Variants in ISL1 observed in about 807,000 individuals in gnomAD.
ISL1 encodes ISL LIM homeobox 1.
Under a neutral mutation model 35.3 loss-of-function variants are expected in ISL1, and 4 were observed. That is an observed-to-expected ratio of 0.11 (90% CI 0.06 to 0.26). The LOEUF is 0.26. Ranked by LOEUF, ISL1 falls within the 10% of genes least tolerant of loss-of-function variation. The pLI is 1.00. For missense variants in ISL1, 340 were observed against 472.8 expected (o/e 0.72, Z 2.60); for synonymous variants, 186 against 172.3 (o/e 1.08, Z -0.62).
chr5:51,389,658 C>T lies in ISL1; in HGVS notation c.491C>T (p.Ser164Phe). ...RPLQMAAEPI[S>F]ARQPALRPHV... Reference sequence around the variant, plus strand: ...CCTTGCCCCGCAGCGGAGCCCATCTCCGCCAGGCAGCCAGCCCTGCGGCCC... The same window carrying T: ...CCTTGCCCCGCAGCGGAGCCCATCTTCGCCAGGCAGCCAGCCCTGCGGCCC... The change falls in exon 4 of 6, where the codon TCC becomes TTC. Residue 164 changes from serine (S) to phenylalanine (F), a missense_variant. Transcript: ENST00000230658. This position sits in a 1 kb window ranked among gnomAD's most constrained non-coding sequence, Gnocchi z 5.0. 2 of 1,609,852 alleles carry T rather than the reference C, an allele frequency of 1.2e-6. No homozygotes were observed. The highest frequency in any genetic ancestry group is 1.7e-6 in the Non-Finnish European group (2 of 1,179,562).
intron 2 of ISL1, chr5:51,386,729 A>G: frequency 2.4e-6 from 1 of 421,928 alleles, no homozygotes; most frequent in Non-Finnish European, 4.7e-6. Context: ...TAGATGATTC[A>G]GCAACTTGAA....
rs777784838 is a variant in ISL1 at position 51,391,328 on chromosome 5, G to C, written c.820G>C (p.Asp274His). 19 of 1,613,810 alleles carry C rather than the reference G, an allele frequency of 1.2e-5. No homozygotes were observed. The highest frequency in any genetic ancestry group is 1.6e-5 in the Non-Finnish European group (19 of 1,180,010). The change falls in exon 5 of 6, where the codon GAC (aspartate) becomes CAC (histidine). Residue 274 changes from aspartate to histidine, a missense_variant. By Grantham distance (81) the Asp-to-His change is moderately conservative. This residue lies in a region of ISL1 where 104 missense variants were observed against 97.3 expected (regional missense o/e 1.07). Transcript: ENST00000230658. ...GGTGGCTGCCAGTCCAGAGAGACAC[G>C]ACGGTGGCTTACAGGCTAACCCAGT... ...PMVAASPERH[D>H]GGLQANPVEV...
rs1483173321 is a variant in ISL1, at chr5:51,387,347, C to A, written c.219-143C>A. ...GGGTTTCATTTCTGTCCTTCTGTTT[C>A]CAACTTCTGTTTGGAAATGCTGTTT... On this transcript the variant is annotated intron_variant, in intron 2 of 5. Transcript: ENST00000230658. The surrounding 1 kb of genome is among the most constrained non-coding windows in gnomAD (Gnocchi z 4.3). 2.3e-6 allele frequency: 2 copies of A among 862,310 alleles called. No homozygotes were observed. The highest frequency in any genetic ancestry group is 1.6e-5 in the South Asian group (1 of 63,946). 53.4% of individuals were successfully genotyped at this position (862,310 alleles called of 1,614,324 possible).
intron 2 of ISL1, among the ~76,000 whole-genome samples, chr5:51,385,566 T>C (rs1341780404): frequency 1.0e-5 from 1 of 95,308 alleles, no homozygotes; most frequent in Non-Finnish European, 2.0e-5. Context: ...GGTTTTGTTG[T>C]TTTGGAGAGT....
At chr5:51,383,749 G>A (rs2111832098) in intron 1 of ISL1, 50 bp downstream of exon 1, 2 of 1,534,956 alleles carry the variant, frequency 1.3e-6, no homozygotes, top group Non-Finnish European at 1.8e-6. Context: ...TCTTGTGCGG[G>A]GTTCTCTCTC....
In ISL1 at chr5:51,387,817, C is replaced by T; in HGVS notation, c.478+68C>T. 5 of 1,592,304 alleles carry T rather than the reference C, an allele frequency of 3.1e-6. No individual in the cohort carries two copies. The highest frequency in any genetic ancestry group is 4.3e-6 in the Non-Finnish European group (5 of 1,167,254). On this transcript the variant is annotated intron_variant, in intron 3 of 5. Transcript: ENST00000230658. The surrounding 1 kb of genome is among the most constrained non-coding windows in gnomAD (Gnocchi z 4.3). Reference sequence around the variant, plus strand: ...CCAGCCTGTGTGCCAGCGGCCACAACAACTATGGTAGCTACAGGGGTGGTC... The same window carrying T: ...CCAGCCTGTGTGCCAGCGGCCACAATAACTATGGTAGCTACAGGGGTGGTC...
Position 51,389,558 on chromosome 5 carries a change from CAAG to C in ISL1, c.479-87_479-85del. The C allele has an allele frequency of 2.5e-6, 3 of 1,219,678 alleles. No homozygotes were observed. The highest frequency in any genetic ancestry group is 3.0e-4 in the Middle Eastern group (1 of 3,360). 75.6% of individuals were successfully genotyped at this position (1,219,678 alleles called of 1,614,324 possible). On this transcript the variant is annotated intron_variant, in intron 3 of 5. Transcript: ENST00000230658. The surrounding 1 kb of genome is among the most constrained non-coding windows in gnomAD (Gnocchi z 5.0). ...GCAAGTAAGCGGGCGGGCGGGCGGG[CAAG>C]CGAGCGAGCGAGCGAGCGCGCGACC...
At chr5:51,384,859 A>C in intron 2 of ISL1, 129 bp downstream of exon 2, 2 of 843,592 alleles carry the variant, frequency 2.4e-6, no homozygotes, top group Non-Finnish European at 4.0e-6. Context: ...AGCCAAAGTT[A>C]CCCTGTACAT....
Position 51,389,968 on chromosome 5 carries a change from G to A in ISL1, c.765+36G>A. 6.2e-7 allele frequency: 1 copy of A among 1,607,732 alleles called. No individual in the cohort carries two copies. The highest frequency in any genetic ancestry group is 8.5e-7 in the Non-Finnish European group (1 of 1,175,566). On this transcript the variant is annotated intron_variant, in intron 4 of 5. Coordinates refer to ENST00000230658, the MANE Select transcript of ISL1 (RefSeq NM_002202.3). This position sits in a 1 kb window ranked among gnomAD's most constrained non-coding sequence, Gnocchi z 5.0. ...CTGGGGCCGGGCAGGGAATGCGAGG[G>A]GGAAGGAGACGCAGCGTGCGAGGTG...
rs1391564418 is a variant in ISL1, at chr5:51,386,362, ACT to A, written c.219-1120_219-1119del. ...AACTAATCATTTTTACCTTCTCTTC[ACT>A]CTCTCTCAACTCTGTGTGTGTGTGT... On this transcript the variant is annotated intron_variant, in intron 2 of 5. Coordinates refer to ENST00000230658, the MANE Select transcript of ISL1 (RefSeq NM_002202.3). 1.8e-5 allele frequency: 5 copies of A among 282,554 alleles called. No homozygotes were observed. In the East Asian group the frequency reaches 2.7e-4, roughly 15 times the overall value. The allele number at this position is 282,554 out of a possible 1,614,324, so 17.5% of individuals were successfully genotyped here.
chr5:51,391,623 CT>C (rs142139345), intron 5 of ISL1, 182 bp downstream of exon 5: 26,387 of 483,490 alleles, frequency 0.055, no homozygotes, highest in East Asian at 0.068. Context: ...CTCTTGGCAT[CT>C]TTTTTTTTTT....
At chr5:51,388,116 CTAAT>C (rs1485061023) in intron 3 of ISL1, among the ~76,000 whole-genome samples, 1 of 152,242 alleles carries the variant, frequency 6.6e-6, no homozygotes, top group Non-Finnish European at 1.5e-5. Flanking sequence ...CTCCTGCTGC[CTAAT>C]TAAAGGGGCG....
At chr5:51,392,231 C>G (rs1235918905) in intron 5 of ISL1, among the ~76,000 whole-genome samples, 1 of 152,094 alleles carries the variant, frequency 6.6e-6, no homozygotes, top group South Asian at 2.1e-4. Flanking sequence ...TTTTTGCCTA[C>G]AAAAGGCTTA....
chr5:51,384,353 G>C (rs938131284), intron 1 of ISL1, among the ~76,000 whole-genome samples, 188 bp from the exon 2 acceptor site: 76 of 148,236 alleles, frequency 5.1e-4, no homozygotes, highest in African/African-American at 1.9e-3. Flanking sequence ...TTAAAAATGA[G>C]TCAAGGTTTT....
rs73095546 is a variant in ISL1, at chr5:51,389,429, T to G, written c.479-217T>G. Reference sequence around the variant, plus strand: ...ACCTCTGCAGATTAGAGAGGAAGATTTTATTCTCCCTTTCACCCTCTTCGC... The same window carrying G: ...ACCTCTGCAGATTAGAGAGGAAGATGTTATTCTCCCTTTCACCCTCTTCGC... On this transcript the variant is annotated intron_variant, in intron 3 of 5. Transcript: ENST00000230658. The surrounding 1 kb of genome is among the most constrained non-coding windows in gnomAD (Gnocchi z 5.0). 0.022 allele frequency among the ~76,000 whole-genome samples: 3,287 copies of G among 152,096 alleles called. 133 individuals are homozygous for G. The highest frequency in any genetic ancestry group is 0.076 in the African/African-American group (3,151 of 41,502).
At chr5:51,391,125 A>C (rs1747502631) in intron 4 of ISL1, 149 bp from the exon 5 acceptor site, 1 of 724,954 alleles carries the variant, frequency 1.4e-6, no homozygotes, top group Non-Finnish European at 2.2e-6. Context: ...TCTAACTAAT[A>C]TCCGTAGGTA....
intron 5 of ISL1, 116 bp from the exon 6 acceptor site, chr5:51,393,378 A>T: frequency 1.4e-6 from 1 of 731,480 alleles, no homozygotes; most frequent in Non-Finnish European, 2.5e-6. Flanking sequence ...ATCTATGTGA[A>T]TATCTTTACA....
chr5:51,391,377 C>G lies in ISL1; in HGVS notation c.869C>G (p.Pro290Arg). Residue 290 changes from proline to arginine, a missense_variant, in exon 5 of 6, where the codon CCT becomes CGT. Transcript: ENST00000230658. ...GTGGAAGTACAAAGTTACCAGCCAC[C>G]TTGGAAAGTACTGAGCGACTTCGCC... ...NPVEVQSYQP[P>R]WKVLSDFALQ... The G allele has an allele frequency of 6.2e-7, 1 of 1,614,188 alleles. No homozygotes were observed. Among genetic ancestry groups the G allele is most frequent in the South Asian group, 1.1e-5 (1 of 91,084 alleles).
chr5:51,391,388 C>A lies in ISL1; in HGVS notation c.880C>A (p.Leu294Met). ...VQSYQPPWKV[L>M]SDFALQSDID... ...AAGTTACCAGCCACCTTGGAAAGTA[C>A]TGAGCGACTTCGCCTTGCAGAGTGA... Residue 294 changes from leucine (L) to methionine (M), a missense_variant, in exon 5 of 6, where the codon CTG (leucine) becomes ATG (methionine). By Grantham distance (15) the Leu-to-Met change is conservative. Transcript: ENST00000230658. 1 of 1,614,204 alleles carries A rather than the reference C, an allele frequency of 6.2e-7. No homozygotes were observed. The highest frequency in any genetic ancestry group is 1.7e-5 in the Admixed American group (1 of 60,028).
Sources: allele counts gnomAD v4.1 joint callset (sites outside exome capture counted in the v4.1 genomes callset), GRCh38; gene constraint gnomAD v4.1.1; regional missense constraint gnomAD v4.1.1; non-coding constraint Gnocchi (gnomAD v3.1); transcripts MANE v1.5; gene names NCBI Gene and HGNC (gene_info 2026-07-23, HGNC 2026-07-21).